EYS: variants seen among roughly 807,000 people sequenced by gnomAD.
EYS encodes EGF-like photoreceptor maintenance factor.
A neutral mutation model predicts 282.1 loss-of-function variants in EYS; 250 were observed. The observed-to-expected ratio is 0.89, with a 90% CI of 0.80 to 0.98. The LOEUF is 0.98. Ranked by LOEUF, EYS falls within the 50% of genes least tolerant of loss-of-function variation. The probability of loss-of-function intolerance (pLI) is 0.00; values close to 1 mark genes in which losing one functional copy is unlikely to be tolerated. For missense variants in EYS, 4,016 were observed against 3,709.0 expected (o/e 1.08, Z -2.15); for synonymous variants, 1,355 against 1,282.9 (o/e 1.06, Z -1.20).
intron 22 of EYS, among the ~76,000 whole-genome samples, chr6:64,695,351 T>C (rs1028965636): frequency 6.6e-6 from 1 of 152,070 alleles, no homozygotes; most frequent in African/African-American, 2.4e-5. Flanking sequence ...TACCAATTCA[T>C]AACATTTGCA....
intron 13 of EYS, among the ~76,000 whole-genome samples, chr6:65,031,174 TACAC>T (rs3033917): frequency 6.8e-6 from 1 of 146,600 alleles, no homozygotes; most frequent in Admixed American, 6.8e-5. Context: ...CACACGCACA[TACAC>T]ACACACACAC....
chr6:64,430,799 C>A (rs535453579), intron 28 of EYS, among the ~76,000 whole-genome samples: 1 of 152,286 alleles, frequency 6.6e-6, no homozygotes, highest in African/African-American at 2.4e-5. Flanking sequence ...CACTTCTAGT[C>A]CTGCCCCATT....
intron 39 of EYS, among the ~76,000 whole-genome samples, chr6:63,780,154 G>A (rs1211883936): frequency 1.3e-5 from 2 of 152,106 alleles, no homozygotes; most frequent in East Asian, 1.9e-4. Context: ...TCATTGATGG[G>A]CATTTGGGTT....
At chr6:65,377,215 T>A (rs1200407414) in intron 8 of EYS, among the ~76,000 whole-genome samples, 2 of 152,114 alleles carry the variant, frequency 1.3e-5, no homozygotes, top group Non-Finnish European at 2.9e-5. Flanking sequence ...AAACTCAGGA[T>A]TAAGAAAGTT....
chr6:63,795,948 A>T (rs143295430), intron 37 of EYS, among the ~76,000 whole-genome samples: 2 of 152,296 alleles, frequency 1.3e-5, no homozygotes, highest in East Asian at 3.9e-4. Flanking sequence ...GAAAAAAAAC[A>T]TGCCCATGAA....
At chr6:65,431,523 C>T (rs1258296944) in intron 5 of EYS, among the ~76,000 whole-genome samples, 1 of 151,858 alleles carries the variant, frequency 6.6e-6, no homozygotes, top group Non-Finnish European at 1.5e-5. Flanking sequence ...ATTTACTATT[C>T]TCTCTTCTGG....
At chr6:63,921,709 C>T (rs1764578128) in intron 35 of EYS, among the ~76,000 whole-genome samples, 1 of 152,152 alleles carries the variant, frequency 6.6e-6, no homozygotes, top group African/African-American at 2.4e-5. Context: ...AGTGTTAGAG[C>T]ATTTTTGAAA....
chr6:65,536,598 T>C (rs566628431), intron 2 of EYS, among the ~76,000 whole-genome samples: 18 of 152,276 alleles, frequency 1.2e-4, no homozygotes, highest in African/African-American at 4.3e-4. Context: ...GCTATTTGGA[T>C]AATATCTAAA....
intron 5 of EYS, among the ~76,000 whole-genome samples, chr6:65,463,487 A>C (rs1198689686): frequency 6.6e-6 from 1 of 152,152 alleles, no homozygotes; most frequent in Non-Finnish European, 1.5e-5. Context: ...ATATTAACAT[A>C]AAATTATTTA....
chr6:65,179,869 G>T (rs1305215245), intron 12 of EYS, among the ~76,000 whole-genome samples: 1 of 151,874 alleles, frequency 6.6e-6, no homozygotes, highest in Non-Finnish European at 1.5e-5. Context: ...TGATCAAGTG[G>T]GCTTCATCCC....
intron 28 of EYS, among the ~76,000 whole-genome samples, chr6:64,394,697 T>A (rs907271367): frequency 6.6e-6 from 1 of 151,814 alleles, no homozygotes; most frequent in Non-Finnish European, 1.5e-5. Context: ...AACCTGGGCA[T>A]TACCATTCAG....
At chr6:65,370,293 T>C (rs1765092932) in intron 8 of EYS, among the ~76,000 whole-genome samples, 1 of 148,658 alleles carries the variant, frequency 6.7e-6, no homozygotes, top group Non-Finnish European at 1.5e-5. Context: ...CTTACTCTAT[T>C]ACCCCAGGAT....
intron 30 of EYS, among the ~76,000 whole-genome samples, chr6:64,296,585 CAT>C (rs1233755384): frequency 0.015 from 120 of 8,070 alleles, 2 homozygotes; most frequent in East Asian, 0.023. Flanking sequence ...TATATATATA[CAT>C]ATATATATAT....
chr6:63,876,419 G>A (rs988594360), intron 35 of EYS, among the ~76,000 whole-genome samples: 5 of 152,192 alleles, frequency 3.3e-5, no homozygotes, highest in African/African-American at 9.6e-5. Context: ...GAATAAGTGC[G>A]ATGTGGTGCT....
intron 24 of EYS, among the ~76,000 whole-genome samples, chr6:64,610,298 T>C (rs1469814039): frequency 2.0e-5 from 3 of 152,076 alleles, no homozygotes; most frequent in Non-Finnish European, 4.4e-5. Flanking sequence ...ATCTGATGCA[T>C]AAAGATGAAA....
Position 65,506,485 on chromosome 6 carries a change from T to C in EYS, c.-332-10492A>G, listed in dbSNP as rs1348168561. On this transcript the variant is annotated intron_variant, in intron 2 of 42. Transcript: ENST00000503581. ...CTTTTTTTTTTTTTTTTTTTTTTTTTTTTTTTTTTTTTTTTGGCAGAGTCT... is the reference window on the plus strand; with the variant it reads ...CTTTTTTTTTTTTTTTTTTTTTTTTCTTTTTTTTTTTTTTTGGCAGAGTCT... Among the ~76,000 whole-genome samples the C allele has an allele frequency of 1.1e-4, 4 of 36,262 alleles. 1 individual carries two copies. The Admixed American group carries it at 1.2e-3, about 11-fold the overall frequency. The allele number at this position is 36,262 out of a possible 152,430, so 23.8% of individuals were successfully genotyped here. A position where few individuals can be genotyped will look rare whatever the true frequency, so the allele number is the denominator to read the frequency against.
intron 1 of EYS, among the ~76,000 whole-genome samples, chr6:65,703,965 C>T (rs9453370): frequency 0.2 from 30,885 of 151,690 alleles, 3,504 homozygotes; most frequent in African/African-American, 0.32. Flanking sequence ...GTCTGGAGAA[C>T]GACTGAGCGA....
intron 22 of EYS, among the ~76,000 whole-genome samples, chr6:64,773,448 T>C (rs1036760937): frequency 2.6e-5 from 4 of 151,980 alleles, no homozygotes; most frequent in Admixed American, 2.6e-4. Flanking sequence ...TACATGTGCA[T>C]GTGTCTTTAT....
intron 5 of EYS, among the ~76,000 whole-genome samples, chr6:65,471,805 T>A (rs1184616895): frequency 1.3e-5 from 2 of 152,160 alleles, no homozygotes; most frequent in African/African-American, 4.8e-5. Context: ...TAAAATATTT[T>A]AAGATATTTT....
Sources: allele counts gnomAD v4.1 joint callset (sites outside exome capture counted in the v4.1 genomes callset), GRCh38; gene constraint gnomAD v4.1.1; transcripts MANE v1.5; gene names NCBI Gene and HGNC (gene_info 2026-07-23, HGNC 2026-07-21).